Variants in AGBL4 observed in about 807,000 individuals in gnomAD.
AGBL4 encodes cytosolic carboxypeptidase 6.
In AGBL4, 58 loss-of-function variants were observed where a neutral mutation model predicts 66.4. The observed-to-expected ratio is 0.87, with a 90% CI of 0.71 to 1.09. The LOEUF (loss-of-function observed/expected upper bound fraction) is 1.09. AGBL4 is among the 50% of genes least tolerant of loss of function. The probability of loss-of-function intolerance (pLI) is 0.00; values close to 1 mark genes in which losing one functional copy is unlikely to be tolerated. For missense variants in AGBL4, 579 were observed against 631.0 expected (o/e 0.92, Z 0.88); for synonymous variants, 234 against 222.9 (o/e 1.05, Z -0.44).
chr1:49,280,872 T>G (rs1644259318), intron 3 of AGBL4, among the ~76,000 whole-genome samples: 1 of 152,154 alleles, frequency 6.6e-6, no homozygotes, highest in Non-Finnish European at 1.5e-5. Context: ...AAAAAACCAG[T>G]AAATAAATAG....
At position 49,922,774 on chromosome 1, in the gene AGBL4, A is replaced by G. The variant is rs573768568; in HGVS notation, c.35-71256T>C. Among the ~76,000 whole-genome samples the G allele has an allele frequency of 7.2e-5, 11 of 152,264 alleles. No individual in the cohort carries two copies. In the South Asian group the frequency reaches 1.7e-3, roughly 23 times the overall value. Reference sequence around the variant, plus strand: ...CTAACTAGGGAGGTAAAAAATCTCTACAAGGAGAACTACAAACCACTGCTC... The same window carrying G: ...CTAACTAGGGAGGTAAAAAATCTCTGCAAGGAGAACTACAAACCACTGCTC... On this transcript the variant is annotated intron_variant, in intron 1 of 13. Coordinates refer to ENST00000371839, the MANE Select transcript of AGBL4 (RefSeq NM_032785.4).
chr1:49,341,340 G>A (rs1243411729), intron 3 of AGBL4, among the ~76,000 whole-genome samples: 1 of 152,184 alleles, frequency 6.6e-6, no homozygotes, highest in Non-Finnish European at 1.5e-5. Flanking sequence ...CTTTGGTTAA[G>A]TGGTAGAGTG....
intron 6 of AGBL4, among the ~76,000 whole-genome samples, chr1:48,863,774 A>AT (rs1647716162): frequency 1.3e-5 from 2 of 152,084 alleles, no homozygotes; most frequent in South Asian, 4.1e-4. Flanking sequence ...ATAAATTCCT[A>AT]TTTCATATAC....
rs576760531 is a variant in AGBL4 at position 49,408,085 on chromosome 1, C to A, written c.283-162221G>T. On this transcript the variant is annotated intron_variant, in intron 3 of 13. Coordinates refer to ENST00000371839, the MANE Select transcript of AGBL4 (RefSeq NM_032785.4). ...TCAGACTCTGGCTCTCTACTCTGTGCTCCAGTTTTGTGATTCTACTCCTTT... is the reference window on the plus strand; with the variant it reads ...TCAGACTCTGGCTCTCTACTCTGTGATCCAGTTTTGTGATTCTACTCCTTT... Among the ~76,000 whole-genome samples, 42 of 152,260 alleles carry A rather than the reference C, an allele frequency of 2.8e-4. No homozygotes were observed. The South Asian group carries it at 8.5e-3, about 31-fold the overall frequency.
intron 4 of AGBL4, among the ~76,000 whole-genome samples, chr1:49,218,639 T>C (rs1649261056): frequency 6.6e-6 from 1 of 152,126 alleles, no homozygotes; most frequent in Non-Finnish European, 1.5e-5. Flanking sequence ...AGTCATAAAA[T>C]GATTATTCAA....
At chr1:49,264,002 T>C (rs1179062348) in intron 3 of AGBL4, among the ~76,000 whole-genome samples, 4 of 152,154 alleles carry the variant, frequency 2.6e-5, no homozygotes, top group African/African-American at 4.8e-5. Context: ...TTCCAAAAAC[T>C]ATGTTTAATG....
intron 5 of AGBL4, among the ~76,000 whole-genome samples, 158 bp from the exon 6 acceptor site, chr1:48,867,388 T>C (rs1487714473): frequency 6.6e-6 from 1 of 152,302 alleles, no homozygotes; most frequent in East Asian, 1.9e-4. Context: ...AGAGGGTTTG[T>C]ACCCTAGAGA....
intron 3 of AGBL4, among the ~76,000 whole-genome samples, chr1:49,426,240 T>C (rs1645656176): frequency 6.6e-6 from 1 of 152,190 alleles, no homozygotes; most frequent in Admixed American, 6.5e-5. Context: ...TGAAAAGTCA[T>C]TGGCCATGAG....
chr1:49,496,549 G>A (rs1647592646), intron 3 of AGBL4, among the ~76,000 whole-genome samples: 1 of 98,208 alleles, frequency 1.0e-5, no homozygotes, highest in Non-Finnish European at 1.8e-5. Context: ...CAAGCCCCTA[G>A]TAACCACTAT....
chr1:48,713,753 A>G (rs1647003990), intron 6 of AGBL4, among the ~76,000 whole-genome samples: 1 of 152,166 alleles, frequency 6.6e-6, no homozygotes, highest in Non-Finnish European at 1.5e-5. Flanking sequence ...CTTGGCCAGT[A>G]GCACTTAGTC....
At chr1:49,506,527 A>G (rs1054245767) in intron 3 of AGBL4, among the ~76,000 whole-genome samples, 26 of 151,822 alleles carry the variant, frequency 1.7e-4, no homozygotes, top group African/African-American at 4.6e-4. Flanking sequence ...TATAAAGGGG[A>G]GTTCCCCTGA....
At chr1:49,686,377 T>C (rs1646788568) in intron 3 of AGBL4, among the ~76,000 whole-genome samples, 1 of 152,222 alleles carries the variant, frequency 6.6e-6, no homozygotes, top group Non-Finnish European at 1.5e-5. Context: ...AACAATGCCA[T>C]TGGCCTAGTT....
At chr1:49,598,499 G>A (rs1644892589) in intron 3 of AGBL4, among the ~76,000 whole-genome samples, 1 of 152,206 alleles carries the variant, frequency 6.6e-6, no homozygotes. Context: ...CTGTTTGCCT[G>A]GGTATCAGCA....
intron 6 of AGBL4, among the ~76,000 whole-genome samples, chr1:48,827,925 C>T (rs886893122): frequency 3.3e-5 from 5 of 150,642 alleles, no homozygotes; most frequent in Admixed American, 1.3e-4. Flanking sequence ...GAGGCCGAGG[C>T]GGGCAGATCA....
In AGBL4 at chr1:48,949,349, G is replaced by C. The variant is rs376290173; in HGVS notation, c.595-82119C>G. ...GACCGAGATTGGTCAATGATATCCA[G>C]TGACTGCCCAGGCAATAGATTCTGA... On this transcript the variant is annotated intron_variant, in intron 5 of 13. Coordinates refer to ENST00000371839, the MANE Select transcript of AGBL4 (RefSeq NM_032785.4). Among the ~76,000 whole-genome samples, 5 of 152,222 alleles carry C rather than the reference G, an allele frequency of 3.3e-5. No individual in the cohort carries two copies. In the South Asian group the frequency reaches 8.3e-4, roughly 25 times the overall value.
intron 7 of AGBL4, among the ~76,000 whole-genome samples, chr1:48,661,585 G>T (rs1442695391): frequency 1.3e-5 from 2 of 152,218 alleles, no homozygotes; most frequent in African/African-American, 4.8e-5. Context: ...TTGAGTGTAT[G>T]AACTCAGCAC....
intron 6 of AGBL4, among the ~76,000 whole-genome samples, chr1:48,741,899 T>C (rs1359555764): frequency 6.6e-6 from 1 of 152,202 alleles, no homozygotes; most frequent in African/African-American, 2.4e-5. Context: ...AAAGATCAAT[T>C]CAATTGAATG....
At chr1:49,039,684 A>T (rs897274010) in intron 5 of AGBL4, among the ~76,000 whole-genome samples, 22 of 152,062 alleles carry the variant, frequency 1.4e-4, no homozygotes, top group Non-Finnish European at 2.6e-4. Context: ...CACATAAAAA[A>T]CTAACTCACA....
intron 12 of AGBL4, among the ~76,000 whole-genome samples, chr1:48,535,478 A>C (rs565963138): frequency 6.6e-6 from 1 of 152,114 alleles, no homozygotes; most frequent in East Asian, 1.9e-4. Context: ...CTTTTTCTCT[A>C]TAATTCCTGA....
Sources: allele counts gnomAD v4.1 joint callset (sites outside exome capture counted in the v4.1 genomes callset), GRCh38; gene constraint gnomAD v4.1.1; transcripts MANE v1.5; gene names NCBI Gene and HGNC (gene_info 2026-07-23, HGNC 2026-07-21).